LRRC3C: variants seen among roughly 807,000 people sequenced by gnomAD.
LRRC3C encodes leucine rich repeat containing 3C.
A neutral mutation model predicts 14.8 loss-of-function variants in LRRC3C; 11 were observed. The ratio of observed to expected loss-of-function variants is 0.74; its 90% confidence interval spans 0.47 to 1.23. LRRC3C has a LOEUF of 1.23. Among genes scored for constraint, LRRC3C ranks in the 50% most tolerant of loss-of-function variants. LRRC3C has a pLI of 0.00. For synonymous variants in LRRC3C, 149 were observed against 161.5 expected, an observed-to-expected ratio of 0.92 and a Z score of 0.59; for missense variants, 354 against 361.8, an observed-to-expected ratio of 0.98 and a Z score of 0.18.
chr17:39,944,288 G>A lies in LRRC3C; in HGVS notation c.382G>A (p.Gly128Ser). Residue 128 changes from glycine to serine, a missense_variant, in exon 4 of 4, where the codon GGC becomes AGC. By Grantham distance (56) the Gly-to-Ser change is moderately conservative. Coordinates refer to ENST00000377924, the MANE Select transcript of LRRC3C (RefSeq NM_001195545.2). Reference protein sequence around the residue: ...LSGAAFQGLEGTLRHLDLSAN... With the variant: ...LSGAAFQGLESTLRHLDLSAN... ...AGGGGCGGCTTTCCAGGGCCTGGAG[G>A]GCACATTGCGCCACCTCGACCTCTC... The A allele has an allele frequency of 6.5e-7, 1 of 1,535,342 alleles. No individual in the cohort carries two copies.
Position 39,943,546 on chromosome 17 carries a change from G to C in LRRC3C, c.27-387G>C, listed in dbSNP as rs1978992850. On this transcript the variant is annotated intron_variant, in intron 3 of 3. Transcript: ENST00000377924. ...AACCAGACCCTCTGGTGCCTACCTA[G>C]CCCACTTGGCAGCCACCCAGGTAGG... Among the ~76,000 whole-genome samples, 2 of 152,158 alleles carry C rather than the reference G, an allele frequency of 1.3e-5. 1 individual carries two copies. Among genetic ancestry groups the C allele is most frequent in the South Asian group, 4.1e-4 (2 of 4,822 alleles).
intron 1 of LRRC3C, chr17:39,928,044 CG>C (rs1978535570): frequency 4.5e-6 from 1 of 219,806 alleles, no homozygotes. Context: ...CAGACTAGCC[CG>C]GCCCTTTGCC....
chr17:39,943,620 A>T (rs1235845598), intron 3 of LRRC3C, among the ~76,000 whole-genome samples: 1 of 152,172 alleles, frequency 6.6e-6, no homozygotes, highest in Non-Finnish European at 1.5e-5. Flanking sequence ...ACATGGACAG[A>T]GGCAGAAACT....
chr17:39,932,072 C>T (rs925564844), intron 1 of LRRC3C, among the ~76,000 whole-genome samples: 9 of 152,226 alleles, frequency 5.9e-5, no homozygotes, highest in African/African-American at 1.9e-4. Flanking sequence ...TGGCACCAGA[C>T]TGCCAGGGTT....
At position 39,944,049 on chromosome 17, in the gene LRRC3C, C is replaced by T. The variant is rs1464577828; in HGVS notation, c.143C>T (p.Pro48Leu). ...GGTACTGTGCCCAGCCCCCAGGTGC[C>T]TCCCCGGGGCTGTTATGTGGCAAAG... ...TGGTVPSPQV[P>L]PRGCYVAKEA... is the part of the protein sequence containing the mutation. The change falls in exon 4 of 4, where the codon CCT (proline) becomes CTT (leucine). Residue 48 changes from proline (P) to leucine (L), a missense_variant. Coordinates refer to ENST00000377924, the MANE Select transcript of LRRC3C (RefSeq NM_001195545.2). The T allele has an allele frequency of 6.5e-7, 1 of 1,535,980 alleles. No homozygotes were observed. The highest frequency in any genetic ancestry group is 1.4e-5 in the African/African-American group (1 of 73,030).
At chr17:39,935,692 A>G (rs1598293054) in intron 1 of LRRC3C, 110 bp from the exon 2 acceptor site, 1 of 396,476 alleles carries the variant, frequency 2.5e-6, no homozygotes, top group East Asian at 1.6e-4. Flanking sequence ...CCAATGCCTA[A>G]GAGGCCCTGG....
chr17:39,937,007 C>G (rs1390555986), intron 2 of LRRC3C, among the ~76,000 whole-genome samples: 1 of 151,940 alleles, frequency 6.6e-6, no homozygotes, highest in Non-Finnish European at 1.5e-5. Flanking sequence ...CATGGTGGTG[C>G]ACGCCTGTAA....
Position 39,944,782 on chromosome 17 carries a change from C to T in LRRC3C, c.*48C>T, listed in dbSNP as rs906782674. 9 of 1,509,400 alleles carry T rather than the reference C, an allele frequency of 6.0e-6. No homozygotes were observed. Among genetic ancestry groups the T allele is most frequent in the African/African-American group, 2.8e-5 (2 of 72,666 alleles). 93.5% of individuals were successfully genotyped at this position (1,509,400 alleles called of 1,614,324 possible). A position where few individuals can be genotyped will look rare whatever the true frequency, so the allele number is the denominator to read the frequency against. On this transcript the variant is annotated 3_prime_UTR_variant, in exon 4 of 4. Transcript: ENST00000377924. ...CACACCCCACACTCCTGCCCCTATG[C>T]CCTCTCCTTTGCTCTGACCCCCTCT...
At position 39,944,005 on chromosome 17, in the gene LRRC3C, G is replaced by T. The variant is rs1001526377; in HGVS notation, c.99G>T (p.Leu33=). The T allele has an allele frequency of 1.3e-6, 2 of 1,536,058 alleles. No homozygotes were observed. The highest frequency in any genetic ancestry group is 8.7e-7 in the Non-Finnish European group (1 of 1,146,874). ...CAGCAGGTCACCTCCTGCCCCTCCT[G>T]CTGGTGATAGGCACAGGGGGTACTG... ...LPTAGHLLPL[L]LVIGTGGTVP... is the part of the protein sequence containing the mutation. The change falls in exon 4 of 4, where the codon CTG becomes CTT. Residue 33 remains leucine (L), a synonymous_variant. Transcript: ENST00000377924.
At chr17:39,937,738 G>A (rs1978836842) in intron 2 of LRRC3C, among the ~76,000 whole-genome samples, 1 of 152,222 alleles carries the variant, frequency 6.6e-6, no homozygotes, top group Non-Finnish European at 1.5e-5. Flanking sequence ...GGAAAAGCTA[G>A]TGTACAGTTA....
At chr17:39,929,665 A>G (rs1330256082) in intron 1 of LRRC3C, among the ~76,000 whole-genome samples, 2 of 152,176 alleles carry the variant, frequency 1.3e-5, no homozygotes, top group Admixed American at 6.5e-5. Context: ...CCTCAGAGCC[A>G]TAATTACACT....
intron 3 of LRRC3C, 101 bp downstream of exon 3, chr17:39,941,650 A>G: frequency 3.9e-6 from 4 of 1,024,072 alleles, no homozygotes; most frequent in South Asian, 1.4e-5. Context: ...ACAATACAAT[A>G]CCGTGGGTAC....
intron 1 of LRRC3C, chr17:39,934,605 G>C (rs547456182): frequency 6.6e-6 from 1 of 152,160 alleles, no homozygotes; most frequent in Admixed American, 6.5e-5. Context: ...TGCATTTCCC[G>C]AACAGAGTGA....
chr17:39,931,445 C>CA (rs58318948), intron 1 of LRRC3C, among the ~76,000 whole-genome samples: 37,352 of 74,996 alleles, frequency 0.5, 9,316 homozygotes, highest in East Asian at 0.73. Flanking sequence ...GACTTCGTCT[C>CA]AAAAAAAAAA....
intron 3 of LRRC3C, 108 bp from the exon 4 acceptor site, chr17:39,943,825 C>A (rs757662665): frequency 2.8e-5 from 30 of 1,053,630 alleles, no homozygotes; most frequent in Non-Finnish European, 4.0e-5. Flanking sequence ...AGAGAAGAGG[C>A]CCCAGCCCAA....
Position 39,944,483 on chromosome 17 carries a change from C to A in LRRC3C, c.577C>A (p.Pro193Thr), listed in dbSNP as rs1217746387. 23 of 1,487,908 alleles carry A rather than the reference C, an allele frequency of 1.5e-5. No individual in the cohort carries two copies. Among genetic ancestry groups the A allele is most frequent in the Non-Finnish European group, 2.0e-5 (22 of 1,120,846 alleles). The allele number at this position is 1,487,908 out of a possible 1,614,324, so 92.2% of individuals were successfully genotyped here. ...CATCGTGTGTGGCTCAGGAGCCCGA[C>A]CGGACCTCGTGGGGCAGGAGTTCCT... ...TGIVCGSGAR[P>T]DLVGQEFLLL... The change falls in exon 4 of 4, where the codon CCG becomes ACG. Residue 193 changes from proline (P) to threonine (T), a missense_variant. Transcript: ENST00000377924.
chr17:39,934,676 C>T (rs1978749473), intron 1 of LRRC3C: 1 of 152,180 alleles, frequency 6.6e-6, no homozygotes, highest in African/African-American at 2.4e-5. Flanking sequence ...GGGTCCCGAT[C>T]CAGACACCAA....
rs562006434 is a variant in LRRC3C at position 39,944,841 on chromosome 17, C to T, written c.*107C>T. 1.7e-4 allele frequency: 152 copies of T among 897,086 alleles called. No individual in the cohort carries two copies. In the African/African-American group the frequency reaches 2.4e-3, roughly 14 times the overall value. The allele number at this position is 897,086 out of a possible 1,614,324, so 55.6% of individuals were successfully genotyped here. A position where few individuals can be genotyped will look rare whatever the true frequency, so the allele number is the denominator to read the frequency against. On this transcript the variant is annotated 3_prime_UTR_variant, in exon 4 of 4. Transcript: ENST00000377924. ...TGCAGCTTCACCCCTGCCCCCAAGC[C>T]CATCCCACCCCTCCCTCCTTTATTC...
At chr17:39,936,667 A>AT (rs36113009) in intron 2 of LRRC3C, among the ~76,000 whole-genome samples, 72,775 of 143,690 alleles carry the variant, frequency 0.51, 19,001 homozygotes, top group East Asian at 0.56. Flanking sequence ...AAAAAAAAAA[A>AT]TATCTGGGCA....
Sources: gnomAD v4.1 joint callset for allele counts (sites outside exome capture counted in the v4.1 genomes callset) on GRCh38, gnomAD v4.1.1 for gene constraint, MANE v1.5 for transcripts, NCBI Gene and HGNC (gene_info 2026-07-23, HGNC 2026-07-21) for gene names.